DCP2: variants seen among roughly 807,000 people sequenced by gnomAD.
DCP2 encodes the protein decapping mRNA 2.
A neutral mutation model predicts 56.1 loss-of-function variants in DCP2; 30 were observed. That is an observed-to-expected ratio of 0.53 (90% CI 0.40 to 0.73). The LOEUF (loss-of-function observed/expected upper bound fraction) is 0.73, where lower values mean the gene tolerates loss of function less well. DCP2 is among the 30% of genes least tolerant of loss of function. DCP2 has a pLI of 0.00. For missense variants in DCP2, 533 were observed against 502.7 expected (o/e 1.06, Z -0.58); for synonymous variants, 197 against 163.3 (o/e 1.21, Z -1.57).
chr5:112,980,438 C>G (rs1434629819), intron 1 of DCP2, among the ~76,000 whole-genome samples: 2 of 152,188 alleles, frequency 1.3e-5, no homozygotes, highest in Non-Finnish European at 1.5e-5. Context: ...TAATTGCAAT[C>G]CTTGTGCTAA....
At chr5:113,009,154 C>G (rs1749572252) in intron 9 of DCP2, among the ~76,000 whole-genome samples, 1 of 152,146 alleles carries the variant, frequency 6.6e-6, no homozygotes. Context: ...CGACAGATAA[C>G]TTATTGATAA....
intron 1 of DCP2, among the ~76,000 whole-genome samples, chr5:112,979,303 A>T (rs1378791787): frequency 6.6e-6 from 1 of 152,230 alleles, no homozygotes; most frequent in African/African-American, 2.4e-5. Context: ...AGATTTTAAA[A>T]TAAATGCCAT....
At chr5:112,984,703 A>ATATATATATATATATAT (rs1554098980) in intron 1 of DCP2, 33 of 64,846 alleles carry the variant, frequency 5.1e-4, no homozygotes, top group East Asian at 1.5e-3. Flanking sequence ...AAAAAAAAAA[A>ATATATATATATATATAT]ATATATATAT....
At chr5:113,004,400 A>G (rs145231550) in intron 8 of DCP2, among the ~76,000 whole-genome samples, 1 of 152,376 alleles carries the variant, frequency 6.6e-6, no homozygotes, top group East Asian at 1.9e-4. Flanking sequence ...TCAGGAAGAA[A>G]AAGTAACAGC....
At chr5:112,987,660 G>A (rs1398265169) in intron 2 of DCP2, among the ~76,000 whole-genome samples, 1 of 99,286 alleles carries the variant, frequency 1.0e-5, no homozygotes, top group African/African-American at 3.7e-5. Flanking sequence ...TTTTAGTAGA[G>A]ATGGGGTTTT....
chr5:113,017,144 T>G lies in DCP2; in HGVS notation c.*3660T>G, dbSNP rs1749922942. 6.6e-6 allele frequency: 1 copy of G among 152,222 alleles called. No individual in the cohort carries two copies. Among genetic ancestry groups the G allele is most frequent in the South Asian group, 2.1e-4 (1 of 4,832 alleles). The allele number at this position is 152,222 out of a possible 1,614,324, so 9.4% of individuals were successfully genotyped here. A position where few individuals can be genotyped will look rare whatever the true frequency, so the allele number is the denominator to read the frequency against. ...TTGATTGACATCTTTTGTGTTTCTATATTTTCCGAGGCAGTATTTTCTTTG... is the reference window on the plus strand; with the variant it reads ...TTGATTGACATCTTTTGTGTTTCTAGATTTTCCGAGGCAGTATTTTCTTTG... On this transcript the variant is annotated 3_prime_UTR_variant, in exon 11 of 11. Coordinates refer to ENST00000389063, the MANE Select transcript of DCP2 (RefSeq NM_152624.6).
chr5:112,981,688 G>A (rs1311524890), intron 1 of DCP2, among the ~76,000 whole-genome samples: 2 of 152,114 alleles, frequency 1.3e-5, no homozygotes, highest in Non-Finnish European at 2.9e-5. Flanking sequence ...CCTACAAATT[G>A]GTCAAAATGA....
chr5:112,981,962 C>T (rs981255887), intron 1 of DCP2, among the ~76,000 whole-genome samples: 3 of 152,090 alleles, frequency 2.0e-5, no homozygotes, highest in Non-Finnish European at 2.9e-5. Context: ...GACGGGGTTT[C>T]ACCATGTGTT....
At chr5:112,995,097 C>T (rs530220810) in intron 4 of DCP2, among the ~76,000 whole-genome samples, 31 of 152,242 alleles carry the variant, frequency 2.0e-4, no homozygotes, top group South Asian at 6.2e-4. Context: ...TGGTTATTCA[C>T]TTTGTAATAG....
intron 3 of DCP2, 23 bp from the exon 4 acceptor site, chr5:112,992,649 T>A (rs1214728008): frequency 6.5e-7 from 1 of 1,539,488 alleles, no homozygotes; most frequent in Non-Finnish European, 8.8e-7. Context: ...CAAGTTTGAT[T>A]TTTACTTCTG....
At position 112,976,872 on chromosome 5, in the gene DCP2, C is replaced by T. The variant is rs551408966; in HGVS notation, c.-62C>T. 1.6e-5 allele frequency: 25 copies of T among 1,560,096 alleles called. No homozygotes were observed. The highest frequency in any genetic ancestry group is 1.0e-4 in the South Asian group (9 of 90,022). On this transcript the variant is annotated 5_prime_UTR_variant, in exon 1 of 11. Transcript: ENST00000389063. ...CTCCGGCGAGCCGGAGTCCTAGTGC[C>T]GTACCGTCAGTCCCCGGCCGCGCGG...
Position 113,000,423 on chromosome 5 carries a change from C to CCCAT in DCP2, c.433-661_433-660insCCAT, listed in dbSNP as rs70973658. On this transcript the variant is annotated intron_variant, in intron 4 of 10. Coordinates refer to ENST00000389063, the MANE Select transcript of DCP2 (RefSeq NM_152624.6). The stretch of plus-strand genomic sequence containing the variant: ...ATACACACACACACACACACACACA[C>CCCAT]ACCCACACACCCTACCTGAGTTTTT... Among the ~76,000 whole-genome samples the CCCAT allele has an allele frequency of 2.6e-5, 4 of 151,420 alleles. No homozygotes were observed. In the East Asian group the frequency reaches 7.7e-4, roughly 29 times the overall value.
intron 10 of DCP2, among the ~76,000 whole-genome samples, chr5:113,011,139 C>T (rs1179663431): frequency 2.6e-5 from 4 of 152,078 alleles, no homozygotes. Context: ...GGAAACCTCA[C>T]TCTCAGATCT....
chr5:112,988,811 A>G lies in DCP2; in HGVS notation c.205+2825A>G, dbSNP rs569575820. ...TAGTTAAGGAAACGTAACTAAGATA[A>G]CCAAGTCCTCTTTTGCTTTGGTCAT... On this transcript the variant is annotated intron_variant, in intron 2 of 10. Transcript: ENST00000389063. Among the ~76,000 whole-genome samples the G allele has an allele frequency of 4.6e-5, 7 of 152,362 alleles. No homozygotes were observed. In the South Asian group the frequency reaches 1.4e-3, roughly 32 times the overall value.
intron 2 of DCP2, among the ~76,000 whole-genome samples, chr5:112,988,434 G>A (rs1219526290): frequency 6.7e-6 from 1 of 148,718 alleles, no homozygotes; most frequent in Non-Finnish European, 1.5e-5. Context: ...AGAGCTTGCA[G>A]TGAGCCGAGT....
At chr5:113,000,461 A>G (rs924433567) in intron 4 of DCP2, among the ~76,000 whole-genome samples, 1 of 151,192 alleles carries the variant, frequency 6.6e-6, no homozygotes, top group Non-Finnish European at 1.5e-5. Flanking sequence ...TATATTCTTG[A>G]TCTTAATGGT....
At chr5:113,005,591 T>G (rs541974101) in intron 8 of DCP2, among the ~76,000 whole-genome samples, 65 of 151,538 alleles carry the variant, frequency 4.3e-4, no homozygotes, top group African/African-American at 1.5e-3. Context: ...TGGAAAAGAG[T>G]TTGGCAATTT....
At chr5:112,988,320 A>AG (rs1441019192) in intron 2 of DCP2, among the ~76,000 whole-genome samples, 1 of 145,176 alleles carries the variant, frequency 6.9e-6, no homozygotes, top group African/African-American at 2.5e-5. Flanking sequence ...GTCTCTACTA[A>AG]AAAAAAAAAA....
intron 2 of DCP2, among the ~76,000 whole-genome samples, chr5:112,988,139 C>G (rs746976327): frequency 6.6e-6 from 1 of 151,910 alleles, no homozygotes; most frequent in Non-Finnish European, 1.5e-5. Context: ...AACTGTTAAC[C>G]ATAGCACATT....
Sources: gnomAD v4.1 joint callset for allele counts (sites outside exome capture counted in the v4.1 genomes callset) on GRCh38, gnomAD v4.1.1 for gene constraint, MANE v1.5 for transcripts, NCBI Gene and HGNC (gene_info 2026-07-23, HGNC 2026-07-21) for gene names.